MCHR2: variants seen among roughly 807,000 people sequenced by gnomAD.
The protein encoded by MCHR2 is melanin-concentrating hormone receptor 2.
Under a neutral mutation model 24.8 loss-of-function variants are expected in MCHR2, and 15 were observed. The ratio of observed to expected loss-of-function variants is 0.60; its 90% confidence interval spans 0.40 to 0.93. MCHR2 has a LOEUF of 0.93. MCHR2 is among the 40% of genes least tolerant of loss of function. The pLI, the probability that MCHR2 is intolerant of heterozygous loss-of-function variation, is 0.00. For missense variants in MCHR2, 386 were observed against 408.7 expected (o/e 0.94, Z 0.48); for synonymous variants, 151 against 147.6 (o/e 1.02, Z -0.17).
At chr6:99,926,055 A>G (rs1013888705) in intron 5 of MCHR2, among the ~76,000 whole-genome samples, 23 of 151,858 alleles carry the variant, frequency 1.5e-4, no homozygotes, top group African/African-American at 5.3e-4. Context: ...TCATTGTTCA[A>G]TTCCCACCTA....
chr6:99,934,139 C>A (rs941818332), intron 5 of MCHR2, among the ~76,000 whole-genome samples: 1 of 152,124 alleles, frequency 6.6e-6, no homozygotes, highest in South Asian at 2.1e-4. Flanking sequence ...TAAAATTATT[C>A]TTTAAATAGA....
rs117503207 is a variant in MCHR2, at chr6:99,988,586, C to G, written c.-28+5350G>C. Among the ~76,000 whole-genome samples, 570 of 152,254 alleles carry G rather than the reference C, an allele frequency of 3.7e-3. 9 individuals carry two copies. The highest frequency in any genetic ancestry group is 0.032 in the Admixed American group (495 of 15,296). ...CTAAAATAATCTCAATTCATCCCCC[C>G]ACCCACAGGGCTAGAAATGGACACA... On this transcript the variant is annotated intron_variant, in intron 1 of 5. Coordinates refer to ENST00000281806, the MANE Select transcript of MCHR2 (RefSeq NM_001040179.2).
chr6:99,990,760 T>G (rs1238223026), intron 1 of MCHR2, among the ~76,000 whole-genome samples: 9 of 151,800 alleles, frequency 5.9e-5, no homozygotes, highest in Non-Finnish European at 7.4e-5. Flanking sequence ...CCTCTCTGTC[T>G]CTCTCTACAT....
intron 1 of MCHR2, among the ~76,000 whole-genome samples, chr6:99,959,796 A>T (rs1446905490): frequency 6.7e-6 from 1 of 149,592 alleles, no homozygotes; most frequent in Non-Finnish European, 1.5e-5. Flanking sequence ...TTGAAATATA[A>T]ACTAGGCAGA....
chr6:99,929,712 T>C (rs1187668371), intron 5 of MCHR2, among the ~76,000 whole-genome samples: 1 of 152,240 alleles, frequency 6.6e-6, no homozygotes, highest in East Asian at 1.9e-4. Flanking sequence ...TCCATCCTTT[T>C]ATTTTGAGCC....
At chr6:99,948,097 T>G in intron 2 of MCHR2, 126 bp from the exon 3 acceptor site, 1 of 739,052 alleles carries the variant, frequency 1.4e-6, no homozygotes, top group Non-Finnish European at 2.2e-6. Context: ...CCTATACAGA[T>G]GCATAGAGGA....
intron 4 of MCHR2, among the ~76,000 whole-genome samples, chr6:99,938,329 T>C (rs1048609849): frequency 1.3e-5 from 2 of 152,082 alleles, no homozygotes; most frequent in South Asian, 4.1e-4. Context: ...ATATAGGCAT[T>C]TATAACTGTA....
At chr6:99,929,114 G>T (rs1170103818) in intron 5 of MCHR2, among the ~76,000 whole-genome samples, 1 of 152,120 alleles carries the variant, frequency 6.6e-6, no homozygotes, top group African/African-American at 2.4e-5. Context: ...TCATTCAGGA[G>T]CAGGTTGTTC....
chr6:99,954,734 T>C (rs1775027103), intron 2 of MCHR2, among the ~76,000 whole-genome samples: 1 of 152,158 alleles, frequency 6.6e-6, no homozygotes. Context: ...GATGTCAATA[T>C]AGAGTCAGGA....
chr6:99,928,541 C>T (rs2114493395), intron 5 of MCHR2, among the ~76,000 whole-genome samples: 1 of 152,222 alleles, frequency 6.6e-6, no homozygotes, highest in East Asian at 1.9e-4. Flanking sequence ...TTCAGAGATT[C>T]AACTTCTTCC....
intron 1 of MCHR2, among the ~76,000 whole-genome samples, chr6:99,992,110 AG>A (rs1459971313): frequency 6.6e-6 from 1 of 152,210 alleles, no homozygotes; most frequent in African/African-American, 2.4e-5. Context: ...ATGTTGGGTG[AG>A]GGGGTGTCAC....
At chr6:99,968,221 G>T (rs187156705) in intron 1 of MCHR2, among the ~76,000 whole-genome samples, 3 of 152,256 alleles carry the variant, frequency 2.0e-5, no homozygotes, top group Admixed American at 2.0e-4. Context: ...ACCAAGACAG[G>T]GCTGAGGTTA....
intron 3 of MCHR2, among the ~76,000 whole-genome samples, chr6:99,945,828 C>A (rs529372477): frequency 6.6e-6 from 1 of 152,100 alleles, no homozygotes; most frequent in South Asian, 2.1e-4. Context: ...TTTTAGCATA[C>A]TATGTCCATT....
intron 1 of MCHR2, among the ~76,000 whole-genome samples, chr6:99,986,064 A>G (rs1775762731): frequency 6.6e-6 from 1 of 152,162 alleles, no homozygotes; most frequent in South Asian, 2.1e-4. Flanking sequence ...GCCAAAAAAC[A>G]TATGAAAAAT....
chr6:99,927,100 C>T (rs1774381037), intron 5 of MCHR2, among the ~76,000 whole-genome samples: 1 of 152,074 alleles, frequency 6.6e-6, no homozygotes, highest in Non-Finnish European at 1.5e-5. Flanking sequence ...GGAATCCTTT[C>T]CCCATTGCTT....
chr6:99,936,817 A>G (rs1774670713), intron 4 of MCHR2, among the ~76,000 whole-genome samples: 1 of 151,904 alleles, frequency 6.6e-6, no homozygotes, highest in African/African-American at 2.4e-5. Flanking sequence ...CTTCCAATTA[A>G]TCAACACGGA....
chr6:99,972,059 G>A (rs1196834291), intron 1 of MCHR2, among the ~76,000 whole-genome samples: 2 of 152,174 alleles, frequency 1.3e-5, no homozygotes, highest in East Asian at 1.9e-4. Flanking sequence ...TTGGTATCAG[G>A]ATGATGCTGG....
intron 2 of MCHR2, among the ~76,000 whole-genome samples, chr6:99,952,689 G>A (rs538003703): frequency 6.6e-6 from 1 of 152,140 alleles, no homozygotes; most frequent in African/African-American, 2.4e-5. Flanking sequence ...CAAAAAAGTT[G>A]ATAAATTCCT....
rs574990219 is a variant in MCHR2, at chr6:99,919,253, A to G, written c.*1687T>C. On this transcript the variant is annotated 3_prime_UTR_variant, in exon 6 of 6. Coordinates refer to ENST00000281806, the MANE Select transcript of MCHR2 (RefSeq NM_001040179.2). Reference sequence around the variant, plus strand: ...GTGTAGTTCTCATGTGGTTTACAGAACCATTCATCCAGATATGCATTTAGA... The same window carrying G: ...GTGTAGTTCTCATGTGGTTTACAGAGCCATTCATCCAGATATGCATTTAGA... 4.0e-5 allele frequency among the ~76,000 whole-genome samples: 6 copies of G among 151,520 alleles called. No homozygotes were observed. The East Asian group carries it at 1.2e-3, about 30-fold the overall frequency.
Sources: allele counts gnomAD v4.1 joint callset (sites outside exome capture counted in the v4.1 genomes callset), GRCh38; gene constraint gnomAD v4.1.1; transcripts MANE v1.5; gene names NCBI Gene and HGNC (gene_info 2026-07-23, HGNC 2026-07-21).